Variants in RAE1 observed in about 807,000 individuals in gnomAD.
RAE1 encodes the protein mRNA export factor RAE1.
RAE1 carries 13 observed loss-of-function variants against 52.7 expected under a neutral mutation model. That is an observed-to-expected ratio of 0.25 (90% CI 0.16 to 0.39). The LOEUF is 0.39. Among genes scored for constraint, RAE1 ranks in the 10% least tolerant of loss-of-function variants. The probability of loss-of-function intolerance (pLI) is 1.00; values close to 1 mark genes in which losing one functional copy is unlikely to be tolerated. For missense variants in RAE1, 262 were observed against 459.8 expected (o/e 0.57, Z 3.93); for synonymous variants, 164 against 153.1 (o/e 1.07, Z -0.52).
chr20:57,376,498 G>A (rs1200736763), intron 11 of RAE1, among the ~76,000 whole-genome samples: 1 of 152,062 alleles, frequency 6.6e-6, no homozygotes, highest in Non-Finnish European at 1.5e-5. Flanking sequence ...TTTTCCCCTC[G>A]CCCCAGCTTC....
At chr20:57,374,213 A>C (rs1424889876) in intron 10 of RAE1, among the ~76,000 whole-genome samples, 1 of 152,150 alleles carries the variant, frequency 6.6e-6, no homozygotes, top group African/African-American at 2.4e-5. Flanking sequence ...CCTAACTAGC[A>C]GTGTTGTGTA....
Position 57,368,686 on chromosome 20 carries a change from G to C in RAE1, c.535-19G>C. On this transcript the variant is annotated intron_variant, in intron 7 of 11. Transcript: ENST00000395841. ...ACTCCTTCACCTGAAGCGCATCTCT[G>C]TTTTCTTCCATTCCCTAGATATACC... 1 of 1,571,784 alleles carries C rather than the reference G, an allele frequency of 6.4e-7. No homozygotes were observed.
Position 57,378,140 on chromosome 20 carries a change from C to T in RAE1, c.*41C>T, listed in dbSNP as rs896934524. ...GCTCAGCCAGAGTTGTTTCTCTCCACTCTGCCTCATCTCTGTACGAATTTG... is the reference window on the plus strand; with the variant it reads ...GCTCAGCCAGAGTTGTTTCTCTCCATTCTGCCTCATCTCTGTACGAATTTG... On this transcript the variant is annotated 3_prime_UTR_variant, in exon 12 of 12. Transcript: ENST00000395841. The T allele has an allele frequency of 1.3e-6, 2 of 1,499,534 alleles. No individual in the cohort carries two copies. Among genetic ancestry groups the T allele is most frequent in the African/African-American group, 1.4e-5 (1 of 71,960 alleles). 92.9% of individuals were successfully genotyped at this position (1,499,534 alleles called of 1,614,324 possible).
chr20:57,357,358 A>C lies in RAE1; in HGVS notation c.288+820A>C, dbSNP rs1006645632. 10 of 152,168 alleles carry C rather than the reference A, an allele frequency of 6.6e-5. 1 individual carries two copies. The highest frequency in any genetic ancestry group is 5.9e-4 in the Admixed American group (9 of 15,300). The allele number at this position is 152,168 out of a possible 1,614,324, so 9.4% of individuals were successfully genotyped here. A position where few individuals can be genotyped will look rare whatever the true frequency, so the allele number is the denominator to read the frequency against. On this transcript the variant is annotated intron_variant, in intron 4 of 11. Coordinates refer to ENST00000395841, the MANE Select transcript of RAE1 (RefSeq NM_003610.4). ...CAAGAGTATCATCTAAATAAATCCT[A>C]TAGGGTGCAACCTTTGCGCTCAGCA... is the stretch of plus-strand genomic sequence containing the variant.
At position 57,373,486 on chromosome 20, in the gene RAE1, G is replaced by A. The variant is rs936213764; in HGVS notation, c.654G>A (p.Val218=). The A allele has an allele frequency of 2.5e-6, 4 of 1,613,330 alleles. No homozygotes were observed. The highest frequency in any genetic ancestry group is 3.4e-6 in the Non-Finnish European group (4 of 1,179,452). Residue 218 remains valine (V), a synonymous_variant, in exon 9 of 12, where the codon GTG becomes GTA. Transcript: ENST00000395841. ...TATTTTAACTGTAGCATCGGTGTGTGGCTATTTTTAAAGACAAACAGAACA... is the reference window on the plus strand; with the variant it reads ...TATTTTAACTGTAGCATCGGTGTGTAGCTATTTTTAAAGACAAACAGAACA... The part of the protein sequence containing the change: ...ESPLKHQHRC[V]AIFKDKQNKP...
intron 3 of RAE1, 111 bp from the exon 4 acceptor site, chr20:57,356,335 G>A: frequency 1.5e-6 from 1 of 653,490 alleles, no homozygotes; most frequent in East Asian, 2.8e-5. Context: ...TAATTAGGTT[G>A]CTATGAGAAG....
chr20:57,366,582 G>A (rs2066957131), intron 5 of RAE1, among the ~76,000 whole-genome samples: 1 of 152,172 alleles, frequency 6.6e-6, no homozygotes, highest in African/African-American at 2.4e-5. Context: ...CTCCCACCAG[G>A]CCCCACCTTC....
At chr20:57,365,666 T>C (rs983030607) in intron 5 of RAE1, among the ~76,000 whole-genome samples, 4 of 152,218 alleles carry the variant, frequency 2.6e-5, no homozygotes, top group South Asian at 2.1e-4. Flanking sequence ...TGGATCTTCA[T>C]ATATGTATGG....
intron 4 of RAE1, among the ~76,000 whole-genome samples, chr20:57,363,805 T>C (rs2146151237): frequency 6.6e-6 from 1 of 152,326 alleles, no homozygotes; most frequent in South Asian, 2.1e-4. Context: ...GAAATCAAAG[T>C]AGGCAAAACC....
At chr20:57,367,225 G>A (rs2066968104) in intron 7 of RAE1, 146 bp downstream of exon 7, 2 of 724,742 alleles carry the variant, frequency 2.8e-6, no homozygotes, top group South Asian at 3.9e-5. Flanking sequence ...AGTTGAGATT[G>A]CCTCAGTCGT....
chr20:57,371,976 A>G (rs1445338666), intron 8 of RAE1: 1 of 152,296 alleles, frequency 6.6e-6, no homozygotes. Flanking sequence ...ATAGACTCAC[A>G]GAAGTAAAGG....
intron 8 of RAE1, among the ~76,000 whole-genome samples, chr20:57,370,831 G>A (rs558070800): frequency 6.6e-6 from 1 of 152,322 alleles, no homozygotes; most frequent in Non-Finnish European, 1.5e-5. Flanking sequence ...TTGGAGGAGG[G>A]CCTTAAGTGT....
chr20:57,373,335 G>A (rs1260763723), intron 8 of RAE1, 140 bp from the exon 9 acceptor site: 2 of 733,766 alleles, frequency 2.7e-6, no homozygotes, highest in Non-Finnish European at 4.5e-6. Context: ...AGAAAGCAAT[G>A]CTTACTGCTG....
At chr20:57,370,549 T>C (rs770307495) in intron 8 of RAE1, among the ~76,000 whole-genome samples, 1 of 152,180 alleles carries the variant, frequency 6.6e-6, no homozygotes, top group Non-Finnish European at 1.5e-5. Flanking sequence ...GCTCCTGACA[T>C]GGACACCCAG....
Position 57,358,729 on chromosome 20 carries a change from G to A in RAE1, c.288+2191G>A, listed in dbSNP as rs1341428027. ...TATTGTCGATATGGACTCTAGTATAGGATTGCGCTGTTATCCCTAGGGTAA... is the reference window on the plus strand; with the variant it reads ...TATTGTCGATATGGACTCTAGTATAAGATTGCGCTGTTATCCCTAGGGTAA... On this transcript the variant is annotated intron_variant, in intron 4 of 11. Transcript: ENST00000395841. 1.1e-5 allele frequency: 4 copies of A among 354,660 alleles called. No homozygotes were observed. The South Asian group carries it at 2.5e-4, about 23-fold the overall frequency. The allele number at this position is 354,660 out of a possible 1,614,324, so 22.0% of individuals were successfully genotyped here.
chr20:57,367,213 C>A (rs969123341), intron 7 of RAE1, 134 bp downstream of exon 7: 3 of 794,124 alleles, frequency 3.8e-6, no homozygotes, highest in Non-Finnish European at 3.9e-6. Context: ...TATAAAGGAT[C>A]GAGTTGAGAT....
chr20:57,361,776 C>T (rs1179811001), intron 4 of RAE1, among the ~76,000 whole-genome samples: 1 of 152,168 alleles, frequency 6.6e-6, no homozygotes, highest in African/African-American at 2.4e-5. Flanking sequence ...ATTAATCCAT[C>T]AAGATGTCTT....
intron 2 of RAE1, among the ~76,000 whole-genome samples, 168 bp from the exon 3 acceptor site, chr20:57,354,544 C>T (rs148122123): frequency 2.0e-5 from 3 of 152,294 alleles, no homozygotes; most frequent in Middle Eastern, 3.4e-3. Flanking sequence ...CTGGTACTTT[C>T]TCTAGCTTAT....
chr20:57,359,767 A>G (rs749705102), intron 4 of RAE1: 4 of 152,204 alleles, frequency 2.6e-5, no homozygotes, highest in African/African-American at 4.8e-5. Context: ...CCATAGTTCT[A>G]TGTAAAGTTA....
Sources: allele counts gnomAD v4.1 joint callset (sites outside exome capture counted in the v4.1 genomes callset), GRCh38; gene constraint gnomAD v4.1.1; transcripts MANE v1.5; gene names NCBI Gene and HGNC (gene_info 2026-07-23, HGNC 2026-07-21).